Variants in NCALD observed in about 807,000 individuals in gnomAD.
The protein encoded by NCALD is neurocalcin-delta.
In NCALD, 10 loss-of-function variants were observed where a neutral mutation model predicts 18.6. The observed-to-expected ratio is 0.54, with a 90% CI of 0.33 to 0.91. The LOEUF (loss-of-function observed/expected upper bound fraction) is 0.91. Among genes scored for constraint, NCALD ranks in the 40% least tolerant of loss-of-function variants. NCALD has a pLI of 0.03. For synonymous variants in NCALD, 88 were observed against 87.4 expected, an observed-to-expected ratio of 1.01 and a Z score of -0.04; for missense variants, 184 against 247.6, an observed-to-expected ratio of 0.74 and a Z score of 1.72.
At chr8:102,020,156 T>C (rs1471708338) in intron 2 of NCALD, 1 of 152,166 alleles carries the variant, frequency 6.6e-6, no homozygotes, top group East Asian at 1.9e-4. Context: ...TTACATAGAA[T>C]GTTAGGCTTA....
Position 101,871,390 on chromosome 8 carries a change from T to C in NCALD, c.-20+15751A>G, listed in dbSNP as rs1391657185. Among the ~76,000 whole-genome samples the C allele has an allele frequency of 2.6e-5, 4 of 152,236 alleles. No individual in the cohort carries two copies. The East Asian group carries it at 7.7e-4, about 29-fold the overall frequency. On this transcript the variant is annotated intron_variant, in intron 4 of 6. Transcript: ENST00000311028. ...TGTGCAGCTGACTTGGCTCCTAACATACCTCCCTCCTCCTAATCAAAATTC... is the reference window on the plus strand; with the variant it reads ...TGTGCAGCTGACTTGGCTCCTAACACACCTCCCTCCTCCTAATCAAAATTC...
At chr8:101,726,634 G>T (rs1370832934) in intron 1 of NCALD, among the ~76,000 whole-genome samples, 1 of 152,192 alleles carries the variant, frequency 6.6e-6, no homozygotes, top group Non-Finnish European at 1.5e-5. Context: ...TTATTTAGTT[G>T]TATACGTGTT....
chr8:101,855,812 A>G (rs1341903371), intron 4 of NCALD, among the ~76,000 whole-genome samples: 1 of 152,204 alleles, frequency 6.6e-6, no homozygotes, highest in Non-Finnish European at 1.5e-5. Flanking sequence ...GACAGAAATA[A>G]AAAACAGTGG....
chr8:101,694,555 T>C (rs902962895), intron 2 of NCALD, among the ~76,000 whole-genome samples: 3 of 152,094 alleles, frequency 2.0e-5, no homozygotes, highest in African/African-American at 4.8e-5. Flanking sequence ...CTGAACTCCA[T>C]AGCTGACTCT....
At chr8:101,803,071 C>A (rs1042274536) in intron 4 of NCALD, among the ~76,000 whole-genome samples, 5 of 152,110 alleles carry the variant, frequency 3.3e-5, no homozygotes, top group Admixed American at 6.5e-5. Flanking sequence ...CCATCTAGAA[C>A]TTTCATAGCT....
chr8:101,817,730 T>C (rs1013807442), intron 4 of NCALD, among the ~76,000 whole-genome samples: 2 of 152,168 alleles, frequency 1.3e-5, no homozygotes, highest in Non-Finnish European at 2.9e-5. Context: ...AGATGCATTG[T>C]TCCCGACAGG....
At chr8:101,804,474 T>G (rs1184529261) in intron 4 of NCALD, among the ~76,000 whole-genome samples, 3 of 118,912 alleles carry the variant, frequency 2.5e-5, no homozygotes, top group Non-Finnish European at 4.7e-5. Flanking sequence ...ATAACAAAGA[T>G]TATTATATAA....
intron 4 of NCALD, among the ~76,000 whole-genome samples, chr8:101,880,067 GC>G (rs1816417913): frequency 7.1e-6 from 1 of 140,098 alleles, no homozygotes; most frequent in African/African-American, 2.6e-5. Context: ...CCTTGCAGGA[GC>G]CCATGGTGTG....
chr8:101,720,079 A>G (rs1816281215), intron 1 of NCALD, among the ~76,000 whole-genome samples: 1 of 152,152 alleles, frequency 6.6e-6, no homozygotes, highest in African/African-American at 2.4e-5. Flanking sequence ...GGAAAGGAGG[A>G]AGAGAGAGAC....
chr8:102,063,417 A>G (rs1029958964), intron 1 of NCALD, among the ~76,000 whole-genome samples: 3 of 152,196 alleles, frequency 2.0e-5, no homozygotes, highest in Admixed American at 2.0e-4. Flanking sequence ...AGGACCGACC[A>G]ATGCTCCAGA....
Position 101,886,804 on chromosome 8 carries a change from T to C in NCALD, c.-20+337A>G, listed in dbSNP as rs575823103. 4.0e-4 allele frequency among the ~76,000 whole-genome samples: 61 copies of C among 152,316 alleles called. 1 individual carries two copies. The highest frequency in any genetic ancestry group is 1.4e-3 in the African/African-American group (59 of 41,576). On this transcript the variant is annotated intron_variant, in intron 4 of 6. Coordinates refer to the NCALD transcript ENST00000311028. ...AAGGAGGGGTATAAATTACCTTTTT[T>C]CCAGGAATCAACAAGCCAGGTTTTT...
At chr8:101,757,357 T>TA (rs1358482795) in intron 1 of NCALD, among the ~76,000 whole-genome samples, 2 of 152,226 alleles carry the variant, frequency 1.3e-5, no homozygotes, top group Non-Finnish European at 2.9e-5. Context: ...AGCTATGTGT[T>TA]ACTTTCCAAC....
At chr8:101,878,192 C>T (rs565977637) in intron 4 of NCALD, among the ~76,000 whole-genome samples, 1 of 152,320 alleles carries the variant, frequency 6.6e-6, no homozygotes, top group East Asian at 1.9e-4. Flanking sequence ...CATTCAACTG[C>T]AACTTCCTAC....
intron 4 of NCALD, among the ~76,000 whole-genome samples, chr8:101,816,227 C>G (rs974584752): frequency 5.9e-5 from 9 of 152,036 alleles, no homozygotes; most frequent in Non-Finnish European, 1.5e-5. Flanking sequence ...ATATGCACCC[C>G]AAAATATTTC....
chr8:101,835,364 G>C (rs1429017722), intron 4 of NCALD, among the ~76,000 whole-genome samples: 2 of 152,228 alleles, frequency 1.3e-5, no homozygotes, highest in African/African-American at 4.8e-5. Flanking sequence ...TGCCAAACCA[G>C]GAGATATCTG....
chr8:101,823,832 G>C (rs566338902), intron 4 of NCALD, among the ~76,000 whole-genome samples: 2 of 152,206 alleles, frequency 1.3e-5, no homozygotes, highest in South Asian at 4.1e-4. Context: ...ATTATATAGG[G>C]GAATGCCAAC....
rs374426993 is a variant in NCALD at position 102,080,321 on chromosome 8, C to T, written c.-210+43916G>A. 9.9e-4 allele frequency among the ~76,000 whole-genome samples: 151 copies of T among 152,300 alleles called. 1 individual carries two copies. The South Asian group carries it at 0.03, about 30-fold the overall frequency. Reference sequence around the variant, plus strand: ...AATGCTAGGTTCATCTTGACAGCTTCCTACAAGCATTCATTTCAAGACTGG... The same window carrying T: ...AATGCTAGGTTCATCTTGACAGCTTTCTACAAGCATTCATTTCAAGACTGG... On this transcript the variant is annotated intron_variant, in intron 1 of 6. Transcript: ENST00000311028.
At chr8:102,122,458 C>G (rs1248398139) in intron 1 of NCALD, among the ~76,000 whole-genome samples, 2 of 152,126 alleles carry the variant, frequency 1.3e-5, no homozygotes, top group African/African-American at 2.4e-5. Context: ...TGATTGGGAA[C>G]AACAAGCTCA....
chr8:101,998,695 A>AGCCAGATCACCCTCTGTTTATCTCT (rs1470954834), intron 2 of NCALD, among the ~76,000 whole-genome samples: 1 of 151,984 alleles, frequency 6.6e-6, no homozygotes, highest in African/African-American at 2.4e-5. Flanking sequence ...AGTTTTTGGG[A>AGCCAGATCACCCTCTGTTTATCTCT]GCCAGATCAC....
Sources: allele counts gnomAD v4.1 joint callset (sites outside exome capture counted in the v4.1 genomes callset), GRCh38; gene constraint gnomAD v4.1.1; transcripts MANE v1.5; gene names NCBI Gene and HGNC (gene_info 2026-07-23, HGNC 2026-07-21).